The following KLHL28 variants were observed in gnomAD, a reference collection of about 807,000 sequenced individuals.
KLHL28 encodes kelch-like protein 28.
KLHL28 carries 22 observed loss-of-function variants against 48.3 expected under a neutral mutation model. The ratio of observed to expected loss-of-function variants is 0.46; its 90% CI spans 0.33 to 0.65. KLHL28 has a LOEUF of 0.65. Ranked by LOEUF, KLHL28 falls within the 30% of genes least tolerant of loss-of-function variation. The pLI, the probability that KLHL28 is intolerant of heterozygous loss-of-function variation, is 0.03. For missense variants in KLHL28, 527 were observed against 704.3 expected, an observed-to-expected ratio of 0.75 and a Z score of 2.85; for synonymous variants, 243 against 242.4, an observed-to-expected ratio of 1.00 and a Z score of -0.02.
chr14:44,950,113 A>G (rs1884514272), intron 1 of KLHL28, among the ~76,000 whole-genome samples: 1 of 152,172 alleles, frequency 6.6e-6, no homozygotes, highest in Non-Finnish European at 1.5e-5. Context: ...CAACAACAAC[A>G]GGAATAATAA....
chr14:44,954,121 C>T (rs1406928190), intron 1 of KLHL28, among the ~76,000 whole-genome samples: 1 of 152,186 alleles, frequency 6.6e-6, no homozygotes, highest in Non-Finnish European at 1.5e-5. Context: ...ACAATTCTCT[C>T]TTGACAGTAT....
chr14:44,943,499 A>G (rs1884188977), intron 2 of KLHL28, among the ~76,000 whole-genome samples: 1 of 152,106 alleles, frequency 6.6e-6, no homozygotes, highest in South Asian at 2.1e-4. Context: ...TTCTACTAAA[A>G]ATACAAAATT....
chr14:44,940,475 G>A (rs534682926), intron 2 of KLHL28, among the ~76,000 whole-genome samples: 2 of 152,142 alleles, frequency 1.3e-5, no homozygotes, highest in African/African-American at 4.8e-5. Flanking sequence ...TGCTTTCAAT[G>A]TATTGCCATC....
intron 1 of KLHL28, among the ~76,000 whole-genome samples, chr14:44,951,111 G>C (rs1884561470): frequency 6.6e-6 from 1 of 152,246 alleles, no homozygotes. Context: ...CTGGCCCCAT[G>C]AAAACTATGG....
At chr14:44,959,020 G>T (rs1174863307) in intron 1 of KLHL28, among the ~76,000 whole-genome samples, 2 of 150,896 alleles carry the variant, frequency 1.3e-5, no homozygotes, top group Admixed American at 1.3e-4. Context: ...ATTTTGAATA[G>T]AAATCCAAAA....
chr14:44,952,903 TA>T lies in KLHL28; in HGVS notation c.1-6976del, dbSNP rs74789218. Among the ~76,000 whole-genome samples, 722 of 126,160 alleles carry T rather than the reference TA, an allele frequency of 5.7e-3. 1 individual carries two copies. Among genetic ancestry groups the T allele is most frequent in the African/African-American group, 9.0e-3 (313 of 34,660 alleles). 82.8% of individuals were successfully genotyped at this position (126,160 alleles called of 152,430 possible). A position where few individuals can be genotyped will look rare whatever the true frequency, so the allele number is the denominator to read the frequency against. ...TGCGTAAAAGGAAGGGTAAGTACCA[TA>T]AAAAAAAAAAAAACAAACACAGGAA... On this transcript the variant is annotated intron_variant, in intron 1 of 4. Coordinates refer to ENST00000396128, the MANE Select transcript of KLHL28 (RefSeq NM_017658.5).
chr14:44,956,938 C>T (rs1884816135), intron 1 of KLHL28, among the ~76,000 whole-genome samples: 1 of 152,216 alleles, frequency 6.6e-6, no homozygotes, highest in Admixed American at 6.5e-5. Context: ...CCTCCTCAGC[C>T]TCCCAAGTAG....
rs139707349 is a variant in KLHL28, at chr14:44,935,890, G to GTATATATATATATATATATATA, written c.900-1333_900-1332insTATATATATATATATATATATA. Among the ~76,000 whole-genome samples, 344 of 59,128 alleles carry GTATATATATATATATATATATA rather than the reference G, an allele frequency of 5.8e-3. 52 individuals are homozygous for GTATATATATATATATATATATA. The highest frequency in any genetic ancestry group is 9.9e-3 in the Admixed American group (39 of 3,954). The allele number at this position is 59,128 out of a possible 152,430, so 38.8% of individuals were successfully genotyped here. A position where few individuals can be genotyped will look rare whatever the true frequency, so the allele number is the denominator to read the frequency against. On this transcript the variant is annotated intron_variant, in intron 2 of 4. Coordinates refer to ENST00000396128, the MANE Select transcript of KLHL28 (RefSeq NM_017658.5). ...TATGTGTATGTATATATATATGTGT[G>GTATATATATATATATATATATA]TATATATATATATCTTTACCCTCCC...
chr14:44,951,812 GA>G (rs1435181564), intron 1 of KLHL28, among the ~76,000 whole-genome samples: 3 of 152,164 alleles, frequency 2.0e-5, no homozygotes, highest in African/African-American at 7.2e-5. Context: ...AACTTAAAAT[GA>G]ATTACACTAG....
At chr14:44,960,927 A>C (rs1375159127) in intron 1 of KLHL28, 2 of 1,537,534 alleles carry the variant, frequency 1.3e-6, no homozygotes. Context: ...TTTGAAGTGC[A>C]TAAATTTGGG....
At position 44,942,667 on chromosome 14, in the gene KLHL28, T is replaced by C. The variant is rs369133730; in HGVS notation, c.899+2363A>G. Among the ~76,000 whole-genome samples the C allele has an allele frequency of 2.0e-5, 3 of 152,180 alleles. No homozygotes were observed. The East Asian group carries it at 5.8e-4, about 29-fold the overall frequency. On this transcript the variant is annotated intron_variant, in intron 2 of 4. Coordinates refer to ENST00000396128, the MANE Select transcript of KLHL28 (RefSeq NM_017658.5). The stretch of plus-strand genomic sequence containing the variant: ...TTTTAGTTTCCTGAATATCCCATAA[T>C]GTATCATGCCATTGTGTCTTTGTAC...
At chr14:44,943,238 A>C (rs1884177182) in intron 2 of KLHL28, among the ~76,000 whole-genome samples, 1 of 152,246 alleles carries the variant, frequency 6.6e-6, no homozygotes, top group Admixed American at 6.5e-5. Context: ...TACTAATATA[A>C]TTTACTTTAT....
intron 4 of KLHL28, among the ~76,000 whole-genome samples, chr14:44,930,990 C>A (rs974896809): frequency 2.0e-5 from 3 of 152,086 alleles, no homozygotes; most frequent in African/African-American, 7.2e-5. Flanking sequence ...CAAAACAGAA[C>A]AATCCGAGGA....
intron 2 of KLHL28, among the ~76,000 whole-genome samples, chr14:44,942,185 T>C (rs1459040727): frequency 2.6e-5 from 4 of 152,198 alleles, no homozygotes; most frequent in Non-Finnish European, 5.9e-5. Context: ...TCTGCATATA[T>C]GAACCACCCA....
chr14:44,934,258 T>C lies in KLHL28; in HGVS notation c.1200A>G (p.Leu400=), dbSNP rs775406625. The C allele has an allele frequency of 6.2e-7, 1 of 1,614,182 alleles. No homozygotes were observed. The highest frequency in any genetic ancestry group is 8.5e-7 in the Non-Finnish European group (1 of 1,180,028). Residue 400 remains leucine, a synonymous_variant, in exon 3 of 5, where the codon TTA becomes TTG. Transcript: ENST00000396128. The part of the protein sequence containing the change: ...ALGGYDGQSY[L]QSVEKYIPKI... ...TGGGAATGTACTTCTCTACAGATTG[T>C]AAATAAGATTGTCCATCATAACCAC...
At chr14:44,953,226 G>C (rs533134080) in intron 1 of KLHL28, among the ~76,000 whole-genome samples, 1 of 152,138 alleles carries the variant, frequency 6.6e-6, no homozygotes, top group African/African-American at 2.4e-5. Context: ...TAAATGTGTT[G>C]AGATAACGGA....
chr14:44,952,156 G>C (rs1884613072), intron 1 of KLHL28, among the ~76,000 whole-genome samples: 2 of 152,130 alleles, frequency 1.3e-5, no homozygotes, highest in South Asian at 4.1e-4. Context: ...CACTGAGCAT[G>C]ACCAAATTAA....
intron 3 of KLHL28, among the ~76,000 whole-genome samples, chr14:44,931,768 G>A (rs1358578755): frequency 2.0e-5 from 3 of 152,078 alleles, no homozygotes; most frequent in Admixed American, 6.5e-5. Context: ...TTGTGCAAGC[G>A]GCAAAGTATA....
intron 2 of KLHL28, among the ~76,000 whole-genome samples, chr14:44,935,109 G>T (rs1481773441): frequency 2.0e-5 from 3 of 152,186 alleles, no homozygotes; most frequent in Non-Finnish European, 4.4e-5. Flanking sequence ...TGGATAAATT[G>T]TGCCATATCA....
Sources: allele counts gnomAD v4.1 joint callset (sites outside exome capture counted in the v4.1 genomes callset), GRCh38; gene constraint gnomAD v4.1.1; transcripts MANE v1.5; gene names NCBI Gene and HGNC (gene_info 2026-07-23, HGNC 2026-07-21).